Variants in SPACA7 observed in about 807,000 individuals in gnomAD.
SPACA7 encodes the protein sperm acrosome-associated protein 7.
Under a neutral mutation model 26.3 loss-of-function variants are expected in SPACA7, and 19 were observed. The observed-to-expected ratio is 0.72, with a 90% confidence interval of 0.50 to 1.06. SPACA7 has a LOEUF of 1.06. Ranked by LOEUF, SPACA7 falls within the 50% of genes least tolerant of loss-of-function variation. The probability of loss-of-function intolerance (pLI) is 0.00; values close to 1 mark genes in which losing one functional copy is unlikely to be tolerated. For synonymous variants in SPACA7, 84 were observed against 84.5 expected, an observed-to-expected ratio of 0.99 and a Z score of 0.04; for missense variants, 211 against 229.9, an observed-to-expected ratio of 0.92 and a Z score of 0.53.
intron 5 of SPACA7, among the ~76,000 whole-genome samples, chr13:112,405,174 G>A (rs1200473645): frequency 6.6e-6 from 1 of 151,304 alleles, no homozygotes; most frequent in Non-Finnish European, 1.5e-5. Context: ...AGTAGAGACG[G>A]GGTTTCACCG....
At position 112,388,314 on chromosome 13, in the gene SPACA7, G is replaced by A. The variant is rs777479046; in HGVS notation, c.95-4707G>A. ...TCCTACTAGTTAGAAAGAGCCAGCC[G>A]AGACCCCCGAGGAGCCAAACAGACA... is the stretch of plus-strand genomic sequence containing the variant. On this transcript the variant is annotated intron_variant, in intron 1 of 6. Transcript: ENST00000283550. 3.9e-5 allele frequency among the ~76,000 whole-genome samples: 6 copies of A among 152,132 alleles called. No homozygotes were observed. In the South Asian group the frequency reaches 6.2e-4, roughly 16 times the overall value.
chr13:112,412,335 T>C (rs181033962), intron 5 of SPACA7, among the ~76,000 whole-genome samples: 1 of 152,280 alleles, frequency 6.6e-6, no homozygotes, highest in African/African-American at 2.4e-5. Context: ...GAGTTCCTTA[T>C]ATATTCTGAT....
intron 5 of SPACA7, among the ~76,000 whole-genome samples, chr13:112,417,888 T>C (rs2139032860): frequency 6.6e-6 from 1 of 152,308 alleles, no homozygotes; most frequent in South Asian, 2.1e-4. Context: ...AAATTTTTAT[T>C]ATTTATTTTT....
intron 5 of SPACA7, among the ~76,000 whole-genome samples, chr13:112,430,123 C>A (rs1172574145): frequency 3.3e-5 from 5 of 151,196 alleles, no homozygotes; most frequent in African/African-American, 1.2e-4. Flanking sequence ...TACAGCCATT[C>A]ATTGGCCAGT....
intron 3 of SPACA7, 39 bp downstream of exon 3, chr13:112,398,177 A>G: frequency 6.9e-7 from 1 of 1,457,334 alleles, no homozygotes; most frequent in Middle Eastern, 1.7e-4. Context: ...CTAACCCTCT[A>G]ATTGCCCTTA....
At chr13:112,421,124 T>C (rs1048104632) in intron 5 of SPACA7, among the ~76,000 whole-genome samples, 1 of 147,522 alleles carries the variant, frequency 6.8e-6, no homozygotes, top group Non-Finnish European at 1.5e-5. Context: ...GTACCAGAAA[T>C]AGTAAAAATG....
intron 4 of SPACA7, 22 bp downstream of exon 4, chr13:112,399,195 C>A: frequency 1.6e-6 from 2 of 1,280,968 alleles, no homozygotes; most frequent in Non-Finnish European, 2.3e-6. Flanking sequence ...CCAGTAATTA[C>A]CCCTTCCCAA....
At chr13:112,383,111 AAAAGAAAAGAAAAGAAAGAAAG>A (rs1389993074) in intron 1 of SPACA7, among the ~76,000 whole-genome samples, 11,113 of 78,136 alleles carry the variant, frequency 0.14, 949 homozygotes, top group Middle Eastern at 0.23. Context: ...GAAAGAAAAG[AAAAGAAAAGAAAAGAAAGAAAG>A]AAAGAAAGAA....
intron 1 of SPACA7, among the ~76,000 whole-genome samples, chr13:112,388,655 C>T (rs369956005): frequency 1.3e-5 from 2 of 152,216 alleles, no homozygotes; most frequent in African/African-American, 4.8e-5. Context: ...GTTCACTTTG[C>T]CCCCTGCCTA....
chr13:112,383,098 GA>G (rs1379525077), intron 1 of SPACA7, among the ~76,000 whole-genome samples: 38 of 37,334 alleles, frequency 1.0e-3, no homozygotes, highest in African/African-American at 2.9e-3. Flanking sequence ...AAGAAAGAAA[GA>G]AGAAAGAAAA....
chr13:112,390,335 T>C (rs1290552683), intron 1 of SPACA7, among the ~76,000 whole-genome samples: 1 of 152,136 alleles, frequency 6.6e-6, no homozygotes, highest in Admixed American at 6.5e-5. Flanking sequence ...GCAGAGCCAG[T>C]GCCACAGTGG....
intron 1 of SPACA7, among the ~76,000 whole-genome samples, chr13:112,386,533 C>T (rs1884537472): frequency 6.6e-6 from 1 of 151,854 alleles, no homozygotes; most frequent in Non-Finnish European, 1.5e-5. Context: ...TCTGTGGTGC[C>T]TCCTCTGTTT....
intron 5 of SPACA7, among the ~76,000 whole-genome samples, chr13:112,411,541 TTCTA>T (rs758656081): frequency 1.3e-5 from 2 of 152,136 alleles, no homozygotes; most frequent in African/African-American, 2.4e-5. Context: ...AACTTATTCC[TTCTA>T]TCTAACTGTA....
At chr13:112,421,493 G>T (rs576710791) in intron 5 of SPACA7, among the ~76,000 whole-genome samples, 1 of 152,254 alleles carries the variant, frequency 6.6e-6, no homozygotes, top group African/African-American at 2.4e-5. Context: ...ATAAAGAACA[G>T]ACAAGGCAAA....
At chr13:112,412,004 AGTT>A (rs1413318357) in intron 5 of SPACA7, among the ~76,000 whole-genome samples, 1 of 151,950 alleles carries the variant, frequency 6.6e-6, no homozygotes, top group Non-Finnish European at 1.5e-5. Flanking sequence ...TTCTGTTTTT[AGTT>A]GTTGTTTGAG....
intron 5 of SPACA7, among the ~76,000 whole-genome samples, chr13:112,415,667 A>T (rs913609611): frequency 2.6e-5 from 4 of 152,138 alleles, no homozygotes; most frequent in Non-Finnish European, 5.9e-5. Context: ...TGGCCCCTGC[A>T]TCTGGTGTTA....
intron 1 of SPACA7, among the ~76,000 whole-genome samples, chr13:112,384,459 A>G (rs180740964): frequency 6.6e-6 from 1 of 152,288 alleles, no homozygotes; most frequent in East Asian, 1.9e-4. Flanking sequence ...TGTATTTGAC[A>G]ATGTTTCCTG....
chr13:112,386,308 T>G (rs1290415369), intron 1 of SPACA7, among the ~76,000 whole-genome samples: 1 of 152,182 alleles, frequency 6.6e-6, no homozygotes. Context: ...CCCCTTAAAG[T>G]AGATTTCCTA....
At chr13:112,395,313 A>C (rs1252355169) in intron 2 of SPACA7, among the ~76,000 whole-genome samples, 1 of 152,170 alleles carries the variant, frequency 6.6e-6, no homozygotes, top group Non-Finnish European at 1.5e-5. Flanking sequence ...GCTGTCGATG[A>C]TGGATGCATT....
Sources: allele counts gnomAD v4.1 joint callset (sites outside exome capture counted in the v4.1 genomes callset), GRCh38; gene constraint gnomAD v4.1.1; transcripts MANE v1.5; gene names NCBI Gene and HGNC (gene_info 2026-07-23, HGNC 2026-07-21).